Variants in PLEKHM2 observed in about 807,000 individuals in gnomAD.
PLEKHM2 encodes the protein pleckstrin homology and RUN domain containing M2, also known as pleckstrin homology domain-containing family M member 2.
Under a neutral mutation model 116.3 loss-of-function variants are expected in PLEKHM2, and 77 were observed. The observed-to-expected ratio is 0.66, with a 90% confidence interval of 0.55 to 0.80. The LOEUF (loss-of-function observed/expected upper bound fraction) is 0.80. PLEKHM2 is among the 30% of genes least tolerant of loss of function. PLEKHM2 has a pLI of 0.00. For missense variants in PLEKHM2, 1,183 were observed against 1,354.9 expected, an observed-to-expected ratio of 0.87 and a Z score of 1.99; for synonymous variants, 562 against 571.0, an observed-to-expected ratio of 0.98 and a Z score of 0.22.
chr1:15,725,283 TG>T (rs2068047696), intron 7 of PLEKHM2, 33 bp from the exon 8 acceptor site: 2 of 1,497,382 alleles, frequency 1.3e-6, no homozygotes, highest in Admixed American at 2.0e-5. Flanking sequence ...GGGGGGTGCC[TG>T]ACAGGGTGTC....
chr1:15,728,835 C>T lies in PLEKHM2; in HGVS notation c.1986+102C>T, dbSNP rs2068100677. 6 of 1,137,802 alleles carry T rather than the reference C, an allele frequency of 5.3e-6. No homozygotes were observed. Among genetic ancestry groups the T allele is most frequent in the Non-Finnish European group, 6.4e-6 (5 of 776,260 alleles). 70.5% of individuals were successfully genotyped at this position (1,137,802 alleles called of 1,614,324 possible). On this transcript the variant is annotated intron_variant, in intron 12 of 19. Coordinates refer to ENST00000375799, the MANE Select transcript of PLEKHM2 (RefSeq NM_015164.4). This position sits in a 1 kb window ranked among gnomAD's most constrained non-coding sequence, Gnocchi z 5.9. The stretch of plus-strand genomic sequence containing the variant: ...GCGAGGCACGGCCCCTTACTCCCCT[C>T]CCGGGGTTGGGCACCAACTTAACTC...
chr1:15,728,825 T>G lies in PLEKHM2; in HGVS notation c.1986+92T>G. 8.4e-7 allele frequency: 1 copy of G among 1,194,736 alleles called. No individual in the cohort carries two copies. The highest frequency in any genetic ancestry group is 1.2e-6 in the Non-Finnish European group (1 of 824,742). The allele number at this position is 1,194,736 out of a possible 1,614,324, so 74.0% of individuals were successfully genotyped here. A position where few individuals can be genotyped will look rare whatever the true frequency, so the allele number is the denominator to read the frequency against. On this transcript the variant is annotated intron_variant, in intron 12 of 19. Transcript: ENST00000375799. This position sits in a 1 kb window ranked among gnomAD's most constrained non-coding sequence, Gnocchi z 5.9. ...GAACTGCAGGGCGAGGCACGGCCCC[T>G]TACTCCCCTCCCGGGGTTGGGCACC...
chr1:15,717,050 T>C (rs1197025589), intron 3 of PLEKHM2, among the ~76,000 whole-genome samples: 1 of 152,174 alleles, frequency 6.6e-6, no homozygotes, highest in East Asian at 1.9e-4. Context: ...GCCAGGAGTT[T>C]AGACCAGCCT....
chr1:15,689,068 G>A (rs922314436), intron 1 of PLEKHM2, among the ~76,000 whole-genome samples: 7 of 151,890 alleles, frequency 4.6e-5, no homozygotes, highest in East Asian at 1.9e-4. Context: ...GACCAACATC[G>A]AGAAACCCCA....
intron 1 of PLEKHM2, among the ~76,000 whole-genome samples, chr1:15,710,354 G>A (rs1467823332): frequency 6.6e-6 from 1 of 151,880 alleles, no homozygotes; most frequent in Admixed American, 6.6e-5. Flanking sequence ...TTGAAACGGA[G>A]TCTCACTCGG....
At chr1:15,730,405 G>A in intron 14 of PLEKHM2, 127 bp from the exon 15 acceptor site, 1 of 704,156 alleles carries the variant, frequency 1.4e-6, no homozygotes. Context: ...TCACACCACT[G>A]CAGTCCAGCC....
In PLEKHM2 at chr1:15,684,547, G is replaced by C. The variant is rs2148323659; in HGVS notation, c.-12G>C. On this transcript the variant is annotated 5_prime_UTR_variant, in exon 1 of 20. Transcript: ENST00000375799. ...CGGTGGCGGTGGCGGTGGCGGCGACGGTGGCAGCGCCATGGAGCCGGGGGA... is the reference window on the plus strand; with the variant it reads ...CGGTGGCGGTGGCGGTGGCGGCGACCGTGGCAGCGCCATGGAGCCGGGGGA... 8.2e-7 allele frequency: 1 copy of C among 1,222,312 alleles called. No homozygotes were observed. The highest frequency in any genetic ancestry group is 1.0e-6 in the Non-Finnish European group (1 of 965,186). The allele number at this position is 1,222,312 out of a possible 1,614,324, so 75.7% of individuals were successfully genotyped here.
rs1436179602 is a variant in PLEKHM2, at chr1:15,732,383, A to C, written c.2659A>C (p.Ile887Leu). Residue 887 changes from isoleucine (I) to leucine (L), a missense_variant, in exon 18 of 20, where the codon ATA becomes CTA. Physicochemically the swap from Ile to Leu is conservative, Grantham distance 5 (BLOSUM62 2). Around this residue, in one of 3 missense-constraint regions of PLEKHM2, gnomAD observed 594 missense variants for 720.1 expected, o/e 0.82. Coordinates refer to ENST00000375799, the MANE Select transcript of PLEKHM2 (RefSeq NM_015164.4). Reference protein sequence around the residue: ...IPQGVAPSPCIPCCLVLTDDR... With the variant: ...IPQGVAPSPCLPCCLVLTDDR... The stretch of plus-strand genomic sequence containing the variant: ...CCAGGGCGTAGCTCCCAGCCCCTGC[A>C]TACCCTGCTGCCTGGTCCTCACGGA... The C allele has an allele frequency of 2.6e-6, 4 of 1,559,842 alleles. No homozygotes were observed. Among genetic ancestry groups the C allele is most frequent in the South Asian group, 2.4e-5 (2 of 84,766 alleles).
intron 1 of PLEKHM2, among the ~76,000 whole-genome samples, chr1:15,692,493 C>G (rs559463604): frequency 3.3e-5 from 5 of 152,314 alleles, no homozygotes; most frequent in African/African-American, 1.2e-4. Context: ...GAAACCATGT[C>G]GTGCACAGAG....
rs2068106811 is a variant in PLEKHM2, at chr1:15,729,241, C to G, written c.2075+51C>G. The G allele has an allele frequency of 6.7e-7, 1 of 1,499,138 alleles. No homozygotes were observed. 92.9% of individuals were successfully genotyped at this position (1,499,138 alleles called of 1,614,324 possible). A position where few individuals can be genotyped will look rare whatever the true frequency, so the allele number is the denominator to read the frequency against. ...AAGGATTGGAGAGTTCGCAGCCGCCCATAGGTGTGGGTGGCCTGGGGGTCA... is the reference window on the plus strand; with the variant it reads ...AAGGATTGGAGAGTTCGCAGCCGCCGATAGGTGTGGGTGGCCTGGGGGTCA... On this transcript the variant is annotated intron_variant, in intron 13 of 19. Coordinates refer to ENST00000375799, the MANE Select transcript of PLEKHM2 (RefSeq NM_015164.4). The surrounding 1 kb of genome is among the most constrained non-coding windows in gnomAD (Gnocchi z 4.7).
rs1394137232 is a variant in PLEKHM2 at position 15,719,799 on chromosome 1, C to T, written c.531C>T (p.Asp177=). 1 of 1,613,738 alleles carries T rather than the reference C, an allele frequency of 6.2e-7. No individual in the cohort carries two copies. Among genetic ancestry groups the T allele is most frequent in the African/African-American group, 1.3e-5 (1 of 74,916 alleles). The change falls in exon 6 of 20, where the codon GAC becomes GAT. Residue 177 remains aspartate, a synonymous_variant. Transcript: ENST00000375799. This position sits in a 1 kb window ranked among gnomAD's most constrained non-coding sequence, Gnocchi z 4.1. ...ACTACAAACCTCAGTACCTGCTGGA[C>T]TTTGAAGACCGCCTTCCCAGCTCGG... The part of the protein sequence containing the change: ...PDYYKPQYLL[D]FEDRLPSSVH...
intron 3 of PLEKHM2, among the ~76,000 whole-genome samples, chr1:15,717,514 T>C (rs903485001): frequency 6.6e-6 from 1 of 152,158 alleles, no homozygotes; most frequent in Non-Finnish European, 1.5e-5. Context: ...ACAGCAGTGA[T>C]GGGGAGAAAG....
rs146984864 is a variant in PLEKHM2, at chr1:15,730,945, G to A, written c.2399+223G>A. ...CCCCAGGAATCCCTGAGTGCCTCAG[G>A]GGAGGATGCAGGCTTGGTCCCCCGA... On this transcript the variant is annotated intron_variant, in intron 15 of 19. Transcript: ENST00000375799. Among the ~76,000 whole-genome samples the A allele has an allele frequency of 3.9e-5, 6 of 152,276 alleles. No homozygotes were observed. The East Asian group carries it at 1.2e-3, about 29-fold the overall frequency.
intron 1 of PLEKHM2, among the ~76,000 whole-genome samples, chr1:15,695,980 ATTT>A (rs35886234): frequency 0.028 from 3,943 of 141,308 alleles, 184 homozygotes; most frequent in African/African-American, 0.094. Context: ...TTTTTTCTAT[ATTT>A]TTTTTTTTTT....
At chr1:15,686,648 A>ATTTTTTTTT (rs1233033159) in intron 1 of PLEKHM2, among the ~76,000 whole-genome samples, 2 of 134,232 alleles carry the variant, frequency 1.5e-5, no homozygotes, top group African/African-American at 5.9e-5. Context: ...ACCCGGCTAA[A>ATTTTTTTTT]TTTTTTTTTT....
chr1:15,715,987 A>G (rs562806005), intron 1 of PLEKHM2, among the ~76,000 whole-genome samples: 1 of 152,284 alleles, frequency 6.6e-6, no homozygotes, highest in South Asian at 2.1e-4. Flanking sequence ...TCCAGCCTCA[A>G]GTTGTCACTG....
chr1:15,692,263 T>A (rs1281808975), intron 1 of PLEKHM2, among the ~76,000 whole-genome samples: 2 of 152,234 alleles, frequency 1.3e-5, no homozygotes, highest in Non-Finnish European at 2.9e-5. Flanking sequence ...GTTTTAAATG[T>A]TCTCAAAATC....
chr1:15,730,014 T>G, intron 14 of PLEKHM2, 85 bp downstream of exon 14: 1 of 936,098 alleles, frequency 1.1e-6, no homozygotes, highest in Non-Finnish European at 1.5e-6. Flanking sequence ...GGGATGCACG[T>G]GGATGTCTTT....
In PLEKHM2 at chr1:15,719,839, A is replaced by G. The variant is rs2067966407; in HGVS notation, c.571A>G (p.Ser191Gly). 6.2e-7 allele frequency: 1 copy of G among 1,613,892 alleles called. No individual in the cohort carries two copies. The highest frequency in any genetic ancestry group is 1.3e-5 in the African/African-American group (1 of 75,022). The change falls in exon 6 of 20, where the codon AGT becomes GGT. Residue 191 changes from serine to glycine, a missense_variant. By Grantham distance (56) the Ser-to-Gly change is moderately conservative. Around this residue, in one of 3 missense-constraint regions of PLEKHM2, gnomAD observed 217 missense variants for 277.6 expected, o/e 0.78. Coordinates refer to ENST00000375799, the MANE Select transcript of PLEKHM2 (RefSeq NM_015164.4). The surrounding 1 kb of genome is among the most constrained non-coding windows in gnomAD (Gnocchi z 4.1). ...RLPSSVHGSD[S>G]LSLNSFNSVT... The stretch of plus-strand genomic sequence containing the variant: ...TCCCAGCTCGGTCCACGGCTCAGAC[A>G]GTCTGTCCCTCAACTCTTTCAACTC...
Sources: allele counts gnomAD v4.1 joint callset (sites outside exome capture counted in the v4.1 genomes callset), GRCh38; gene constraint gnomAD v4.1.1; regional missense constraint gnomAD v4.1.1; non-coding constraint Gnocchi (gnomAD v3.1); transcripts MANE v1.5; gene names NCBI Gene and HGNC (gene_info 2026-07-23, HGNC 2026-07-21).